SPMIP6: variants seen among roughly 807,000 people sequenced by gnomAD.
SPMIP6 encodes sperm microtubule inner protein 6, also known as ciliated bronchial epithelial protein 1.
At chr9:34,390,096 GAC>G in the SPMIP6 span, 1 of 151,884 alleles carries the variant, frequency 6.6e-6, no homozygotes, top group East Asian at 1.9e-4. Flanking sequence ...TGCAAATAAT[GAC>G]AGTTTTGTTT....
chr9:34,379,714 C>T, the SPMIP6 span: 1 of 1,614,042 alleles, frequency 6.2e-7, no homozygotes, highest in Non-Finnish European at 8.5e-7. This position sits in a 1 kb window ranked among gnomAD's most constrained non-coding sequence, Gnocchi z 4.2. Context: ...CGGGCCGGTG[C>T]TCGTAGGGAG....
the SPMIP6 span, among the ~76,000 whole-genome samples, chr9:34,385,040 T>C: frequency 1.3e-5 from 2 of 151,870 alleles, no homozygotes; most frequent in African/African-American, 4.8e-5. Flanking sequence ...GAGGGATCTG[T>C]CTGTGGGAGG....
the SPMIP6 span, chr9:34,385,589 G>T: frequency 2.6e-6 from 4 of 1,514,906 alleles, no homozygotes; most frequent in Non-Finnish European, 1.8e-6. Flanking sequence ...AGGTGGTTGG[G>T]TTCAGGTTGG....
At chr9:34,392,610 G>A in the SPMIP6 span, among the ~76,000 whole-genome samples, 2 of 152,112 alleles carry the variant, frequency 1.3e-5, no homozygotes, top group Admixed American at 1.3e-4. This position sits in a 1 kb window ranked among gnomAD's most constrained non-coding sequence, Gnocchi z 4.6. Flanking sequence ...TGAGAGATGA[G>A]ACTTTACACA....
At chr9:34,383,279 T>G in the SPMIP6 span, among the ~76,000 whole-genome samples, 9 of 152,320 alleles carry the variant, frequency 5.9e-5, no homozygotes, top group South Asian at 1.7e-3. Context: ...ATCCTAGCAC[T>G]TTGGGAGGCC....
At chr9:34,394,285 AGCTGGG>A in the SPMIP6 span, among the ~76,000 whole-genome samples, 1 of 152,086 alleles carries the variant, frequency 6.6e-6, no homozygotes, top group East Asian at 1.9e-4. Flanking sequence ...CCTCCTGAGT[AGCTGGG>A]ACTACAGGCA....
chr9:34,388,852 T>C, the SPMIP6 span, among the ~76,000 whole-genome samples: 2 of 152,284 alleles, frequency 1.3e-5, no homozygotes, highest in South Asian at 2.1e-4. Flanking sequence ...TTGGCACCTA[T>C]ACATGTTGCA....
chr9:34,396,483 A>AACTC, the SPMIP6 span, among the ~76,000 whole-genome samples: 1 of 152,038 alleles, frequency 6.6e-6, no homozygotes, highest in Non-Finnish European at 1.5e-5. Context: ...AGAGTGGCCT[A>AACTC]ACTCACAATT....
chr9:34,395,361 G>T, the SPMIP6 span, among the ~76,000 whole-genome samples: 1 of 152,146 alleles, frequency 6.6e-6, no homozygotes, highest in African/African-American at 2.4e-5. Context: ...CTACATCCGA[G>T]AGATTTCTCT....
At chr9:34,395,696 T>C in the SPMIP6 span, among the ~76,000 whole-genome samples, 1 of 152,216 alleles carries the variant, frequency 6.6e-6, no homozygotes, top group African/African-American at 2.4e-5. Context: ...CTGGATATCC[T>C]CAAATATTTT....
chr9:34,382,583 T>TA, the SPMIP6 span: 217,924 of 536,114 alleles, frequency 0.41, 21,149 homozygotes, highest in African/African-American at 0.53. Flanking sequence ...AGACTCTATC[T>TA]AAAAAAAAAA....
chr9:34,379,750 C>T, the SPMIP6 span: 1 of 1,604,946 alleles, frequency 6.2e-7, no homozygotes, highest in Middle Eastern at 1.7e-4. The surrounding 1 kb of genome is among the most constrained non-coding windows in gnomAD (Gnocchi z 4.2). Flanking sequence ...AGGAGGAAGC[C>T]GCGAGCATGG....
At chr9:34,386,973 A>C in the SPMIP6 span, among the ~76,000 whole-genome samples, 1 of 152,006 alleles carries the variant, frequency 6.6e-6, no homozygotes, top group Non-Finnish European at 1.5e-5. Flanking sequence ...CTTCTTCCTC[A>C]TAACGGGCAG....
chr9:34,380,534 A>T, the SPMIP6 span, among the ~76,000 whole-genome samples: 1 of 152,130 alleles, frequency 6.6e-6, no homozygotes, highest in Non-Finnish European at 1.5e-5. Context: ...GGAGTCCAGG[A>T]AAGGGGGCAG....
chr9:34,380,123 ACT>A, the SPMIP6 span, among the ~76,000 whole-genome samples: 1 of 151,966 alleles, frequency 6.6e-6, no homozygotes, highest in Admixed American at 6.6e-5. Flanking sequence ...GAGGGATAAG[ACT>A]CAGTCTTGCA....
the SPMIP6 span, among the ~76,000 whole-genome samples, chr9:34,382,019 C>T: frequency 6.6e-6 from 1 of 152,160 alleles, no homozygotes; most frequent in Non-Finnish European, 1.5e-5. Context: ...TTTCTCCTTC[C>T]GTCTGTGCTC....
At chr9:34,389,924 T>C in the SPMIP6 span, 1 of 85,726 alleles carries the variant, frequency 1.2e-5, no homozygotes, top group African/African-American at 4.1e-5. Context: ...ATAATGTGTG[T>C]AGATTTTTTT....
chr9:34,382,891 G>A, the SPMIP6 span: 2 of 1,412,902 alleles, frequency 1.4e-6, no homozygotes, highest in Non-Finnish European at 2.0e-6. Context: ...GGGTGGAGAT[G>A]TCAAATAGTG....
the SPMIP6 span, among the ~76,000 whole-genome samples, chr9:34,382,474 G>T: frequency 2.0e-5 from 3 of 152,072 alleles, no homozygotes; most frequent in African/African-American, 4.8e-5. Flanking sequence ...AATCCCAGCT[G>T]CTCGGGAGTG....
Sources: gnomAD v4.1 joint callset for allele counts (sites outside exome capture counted in the v4.1 genomes callset) on GRCh38, gnomAD v4.1.1 for gene constraint, Gnocchi (gnomAD v3.1) non-coding constraint, MANE v1.5 for transcripts, NCBI Gene and HGNC (gene_info 2026-07-23, HGNC 2026-07-21) for gene names.